The following RASGRF1 variants were observed in gnomAD, a reference collection of about 807,000 sequenced individuals.
The protein encoded by RASGRF1 is Ras protein specific guanine nucleotide releasing factor 1.
RASGRF1 carries 40 observed loss-of-function variants against 138.7 expected under a neutral mutation model. That is an observed-to-expected ratio of 0.29 (90% CI 0.22 to 0.38). The LOEUF (loss-of-function observed/expected upper bound fraction) is 0.38. Ranked by LOEUF, RASGRF1 falls within the 10% of genes least tolerant of loss-of-function variation. RASGRF1 has a pLI of 1.00. For missense variants in RASGRF1, 1,108 were observed against 1,650.4 expected (o/e 0.67, Z 5.69); for synonymous variants, 614 against 663.2 (o/e 0.93, Z 1.14).
intron 2 of RASGRF1, among the ~76,000 whole-genome samples, chr15:79,060,028 A>G (rs2057581839): frequency 6.8e-6 from 1 of 146,242 alleles, no homozygotes; most frequent in Non-Finnish European, 1.5e-5. Context: ...ACACACACAC[A>G]CACGGTGTCT....
intron 1 of RASGRF1, among the ~76,000 whole-genome samples, chr15:79,080,047 C>T (rs2057894001): frequency 6.6e-6 from 1 of 152,234 alleles, no homozygotes; most frequent in African/African-American, 2.4e-5. Flanking sequence ...CATCATTTCC[C>T]TGCTGGTCCC....
chr15:79,031,501 C>T lies in RASGRF1; in HGVS notation c.1161G>A (p.Arg387=). ...GGAGCTCATGGAGGGTCAGGATGTACCTGGGGATCTGCGGGCAGGTGGGAG... is the reference window on the plus strand; with the variant it reads ...GGAGCTCATGGAGGGTCAGGATGTATCTGGGGATCTGCGGGCAGGTGGGAG... ...FLTYPMFQIP[R]YILTLHELLA... The change falls in exon 8 of 27, where the codon AGG becomes AGA. Residue 387 remains arginine, a synonymous_variant. Coordinates refer to ENST00000558480, the MANE Select transcript of RASGRF1 (RefSeq NM_001145648.3). 1.2e-6 allele frequency: 2 copies of T among 1,609,694 alleles called. No individual in the cohort carries two copies. The highest frequency in any genetic ancestry group is 1.7e-6 in the Non-Finnish European group (2 of 1,177,526).
At chr15:78,962,812 G>C (rs1019753304) in intron 26 of RASGRF1, among the ~76,000 whole-genome samples, 5 of 152,176 alleles carry the variant, frequency 3.3e-5, no homozygotes, top group African/African-American at 1.2e-4. Context: ...GAGCCCAGGA[G>C]GTCAAGGCAG....
At chr15:78,998,328 C>A (rs1167793493) in intron 18 of RASGRF1, 120 bp from the exon 19 acceptor site, 5 of 820,960 alleles carry the variant, frequency 6.1e-6, no homozygotes, top group Non-Finnish European at 1.0e-5. Flanking sequence ...GGCTGACCTG[C>A]CTCATTTCCT....
intron 1 of RASGRF1, among the ~76,000 whole-genome samples, chr15:79,071,346 G>A (rs897513033): frequency 2.6e-5 from 4 of 151,230 alleles, no homozygotes; most frequent in African/African-American, 9.7e-5. Flanking sequence ...ATTCTCTGAA[G>A]CTTTCTTTTT....
chr15:79,028,036 G>A (rs570712138), intron 8 of RASGRF1, among the ~76,000 whole-genome samples, 177 bp from the exon 9 acceptor site: 4 of 152,302 alleles, frequency 2.6e-5, no homozygotes, highest in African/African-American at 9.6e-5. Context: ...GCTGCATGCC[G>A]GGCACTTCAT....
At chr15:78,972,583 TC>T (rs1452291187) in intron 25 of RASGRF1, among the ~76,000 whole-genome samples, 3 of 152,132 alleles carry the variant, frequency 2.0e-5, no homozygotes, top group African/African-American at 7.2e-5. Flanking sequence ...ATCAGCCACT[TC>T]CTTAGCGCCT....
chr15:79,018,208 G>A (rs936997582), intron 11 of RASGRF1, among the ~76,000 whole-genome samples: 6 of 152,242 alleles, frequency 3.9e-5, no homozygotes, highest in African/African-American at 1.4e-4. Flanking sequence ...GGTCACGGGC[G>A]AGGACTTGCC....
intron 5 of RASGRF1, among the ~76,000 whole-genome samples, chr15:79,036,262 T>C (rs1343473495): frequency 6.6e-6 from 1 of 152,202 alleles, no homozygotes; most frequent in African/African-American, 2.4e-5. Flanking sequence ...CTCTTTGTGG[T>C]ACACTCCATT....
At chr15:79,077,571 G>A (rs1221678961) in intron 1 of RASGRF1, among the ~76,000 whole-genome samples, 1 of 152,160 alleles carries the variant, frequency 6.6e-6, no homozygotes. Context: ...GTGGTGGGGA[G>A]GGGCTCATAA....
chr15:78,988,045 T>C (rs2056197526), intron 22 of RASGRF1, among the ~76,000 whole-genome samples: 1 of 152,208 alleles, frequency 6.6e-6, no homozygotes, highest in African/African-American at 2.4e-5. Flanking sequence ...ACACATCCTG[T>C]GTATCAGAAC....
chr15:79,076,217 T>C (rs902170135), intron 1 of RASGRF1, among the ~76,000 whole-genome samples: 1 of 152,130 alleles, frequency 6.6e-6, no homozygotes, highest in Non-Finnish European at 1.5e-5. Context: ...AGGCTACACA[T>C]TAGCGATGTC....
chr15:79,085,196 A>C (rs2057963914), intron 1 of RASGRF1, among the ~76,000 whole-genome samples: 1 of 152,258 alleles, frequency 6.6e-6, no homozygotes, highest in African/African-American at 2.4e-5. Context: ...GTTTAGGCTA[A>C]GACCTGCAGG....
At chr15:79,011,775 T>C (rs1042862229) in intron 13 of RASGRF1, among the ~76,000 whole-genome samples, 2 of 152,212 alleles carry the variant, frequency 1.3e-5, no homozygotes, top group Non-Finnish European at 2.9e-5. Flanking sequence ...ATGCAGGCAG[T>C]GTGGTCCTCC....
At position 79,006,104 on chromosome 15, in the gene RASGRF1, C is replaced by T; in HGVS notation, c.2075+82G>A. On this transcript the variant is annotated intron_variant, in intron 14 of 26. Coordinates refer to ENST00000558480, the MANE Select transcript of RASGRF1 (RefSeq NM_001145648.3). The surrounding 1 kb of genome is among the most constrained non-coding windows in gnomAD (Gnocchi z 4.0). ...GCTCCTCCAGGGACCTTCCAGGTCA[C>T]CCCCCGGCCCCGTGCAAGCTCAGTT... is the stretch of plus-strand genomic sequence containing the variant. 3 of 1,568,548 alleles carry T rather than the reference C, an allele frequency of 1.9e-6. No homozygotes were observed. Among genetic ancestry groups the T allele is most frequent in the South Asian group, 2.4e-5 (2 of 85,014 alleles).
Position 79,025,368 on chromosome 15 carries a change from A to T in RASGRF1, c.1488T>A (p.Ser496=). The change falls in exon 10 of 27, where the codon TCT becomes TCA. Residue 496 remains serine (S), a synonymous_variant. Transcript: ENST00000558480. ...CTCTGGTACAGATAATCAGATGCTT[A>T]GAAAACAGGAAGCACTGTCGCTCGC... is the stretch of plus-strand genomic sequence containing the variant. ...KEGERQCFLF[S]KHLIICTRGS... The T allele has an allele frequency of 2.5e-6, 4 of 1,614,098 alleles. No homozygotes were observed. The highest frequency in any genetic ancestry group is 1.7e-5 in the Admixed American group (1 of 60,014).
rs565070923 is a variant in RASGRF1, at chr15:78,978,365, T to G, written c.3494+2255A>C. On this transcript the variant is annotated intron_variant, in intron 24 of 26. Coordinates refer to ENST00000558480, the MANE Select transcript of RASGRF1 (RefSeq NM_001145648.3). ...TCAGCCTCCCAAGTAGCTGGGATTA[T>G]AGGCATGTGCCACCACGCCTGGCTA... 4.6e-4 allele frequency: 132 copies of G among 285,752 alleles called. 1 individual carries two copies. The highest frequency in any genetic ancestry group is 2.9e-3 in the African/African-American group (126 of 43,684). 17.7% of individuals were successfully genotyped at this position (285,752 alleles called of 1,614,324 possible). A position where few individuals can be genotyped will look rare whatever the true frequency, so the allele number is the denominator to read the frequency against.
intron 19 of RASGRF1, 112 bp from the exon 20 acceptor site, chr15:78,995,912 C>T: frequency 1.0e-6 from 1 of 999,762 alleles, no homozygotes; most frequent in Non-Finnish European, 1.6e-6. Context: ...TCCTCGTCAT[C>T]CCCATTGCCA....
intron 8 of RASGRF1, among the ~76,000 whole-genome samples, chr15:79,030,889 T>C (rs533834755): frequency 6.6e-6 from 1 of 152,214 alleles, no homozygotes; most frequent in Non-Finnish European, 1.5e-5. Context: ...AGCTTCCCTC[T>C]GGGCTTCAGG....
Sources: gnomAD v4.1 joint callset for allele counts (sites outside exome capture counted in the v4.1 genomes callset) on GRCh38, gnomAD v4.1.1 for gene constraint, Gnocchi (gnomAD v3.1) non-coding constraint, MANE v1.5 for transcripts, NCBI Gene and HGNC (gene_info 2026-07-23, HGNC 2026-07-21) for gene names.